The following TEX29 variants were observed in gnomAD, a reference collection of about 807,000 sequenced individuals.
TEX29 encodes the protein testis expressed 29, also known as testis-expressed protein 29.
Under a neutral mutation model 18.2 loss-of-function variants are expected in TEX29, and 26 were observed. The observed-to-expected ratio is 1.43, with a 90% confidence interval of 1.04 to 1.98. The LOEUF (loss-of-function observed/expected upper bound fraction) is 1.98, where lower values mean the gene tolerates loss of function less well. Ranked by LOEUF, TEX29 falls within the 30% of genes most tolerant of loss-of-function variation. The probability of loss-of-function intolerance (pLI) is 0.00; values close to 1 mark genes in which losing one functional copy is unlikely to be tolerated. For missense variants in TEX29, 177 were observed against 194.2 expected (o/e 0.91, Z 0.53); for synonymous variants, 83 against 78.5 (o/e 1.06, Z -0.31).
chr13:111,323,997 T>G (rs1432321409), intron 2 of TEX29, among the ~76,000 whole-genome samples: 1 of 152,178 alleles, frequency 6.6e-6, no homozygotes, highest in African/African-American at 2.4e-5. Context: ...GTTCAGAGAT[T>G]TTTATGTTGT....
upstream of TEX29, among the ~76,000 whole-genome samples, chr13:111,317,838 C>T (rs545657851): frequency 1.3e-5 from 2 of 152,304 alleles, no homozygotes; most frequent in East Asian, 3.9e-4. Context: ...TCCTTCTTCA[C>T]CTCTGTTGCT....
At chr13:111,323,888 C>T (rs888816057) in intron 2 of TEX29, among the ~76,000 whole-genome samples, 2 of 152,250 alleles carry the variant, frequency 1.3e-5, no homozygotes, top group African/African-American at 4.8e-5. Context: ...CCTCTCCTTC[C>T]GTGTTCTGAT....
At chr13:111,331,732 G>A (rs1394043337) in intron 3 of TEX29, among the ~76,000 whole-genome samples, 3 of 151,940 alleles carry the variant, frequency 2.0e-5, no homozygotes, top group Non-Finnish European at 4.4e-5. Context: ...GTTAACTTTT[G>A]TATCTGGTGC....
At chr13:111,317,943 T>C (rs955387786), upstream of TEX29, among the ~76,000 whole-genome samples, 2 of 152,228 alleles carry the variant, frequency 1.3e-5, no homozygotes, top group African/African-American at 4.8e-5. Flanking sequence ...ACCGGTCCTA[T>C]TGGACAGGGC....
chr13:111,338,816 G>A (rs1332109752), intron 3 of TEX29, among the ~76,000 whole-genome samples: 2 of 152,176 alleles, frequency 1.3e-5, no homozygotes, highest in Non-Finnish European at 2.9e-5. Context: ...TCAACCTGAC[G>A]GAAGGAACAT....
At chr13:111,344,026 T>C (rs574861359) in intron 5 of TEX29, 57 bp from the exon 6 acceptor site, 1 of 1,435,298 alleles carries the variant, frequency 7.0e-7, no homozygotes, top group Admixed American at 1.7e-5. Flanking sequence ...ATGAAATCTT[T>C]TCGGGACTGC....
intron 2 of TEX29, among the ~76,000 whole-genome samples, chr13:111,325,122 C>T (rs544751428): frequency 6.6e-6 from 1 of 152,334 alleles, no homozygotes; most frequent in Non-Finnish European, 1.5e-5. Context: ...TCCCAGGAAG[C>T]ACTCGGCTCA....
chr13:111,321,897 C>T (rs909783764), intron 2 of TEX29, among the ~76,000 whole-genome samples: 2 of 152,236 alleles, frequency 1.3e-5, no homozygotes, highest in Admixed American at 6.5e-5. Flanking sequence ...CCACTCCAGC[C>T]TGGGCGACAA....
upstream of TEX29, chr13:111,316,268 G>A (rs774918681): frequency 2.0e-6 from 1 of 496,850 alleles, no homozygotes; most frequent in Non-Finnish European, 4.0e-6. Flanking sequence ...GTAAGTATCT[G>A]TTGGATGAAT....
At chr13:111,339,506 C>G (rs1321770210) in intron 3 of TEX29, 1 of 411,764 alleles carries the variant, frequency 2.4e-6, no homozygotes, top group Non-Finnish European at 4.6e-6. Context: ...TCTCAATGCA[C>G]CCCCGGGGGT....
At chr13:111,328,866 G>A (rs551298378) in intron 3 of TEX29, among the ~76,000 whole-genome samples, 1 of 152,192 alleles carries the variant, frequency 6.6e-6, no homozygotes, top group South Asian at 2.1e-4. Context: ...GGGTAAGGGC[G>A]CCGGAGGCGT....
chr13:111,320,988 G>GGGGGC, intron 2 of TEX29, 40 bp downstream of exon 2: 4 of 431,418 alleles, frequency 9.3e-6, no homozygotes, highest in Non-Finnish European at 1.3e-5. Flanking sequence ...TGGGGTGGGG[G>GGGGGC]AGCAGTTGGG....
At chr13:111,318,745 A>G (rs2093658828), upstream of TEX29, among the ~76,000 whole-genome samples, 1 of 152,194 alleles carries the variant, frequency 6.6e-6, no homozygotes, top group Non-Finnish European at 1.5e-5. Context: ...GGGAGCCTGC[A>G]CGCAATGCTG....
At chr13:111,316,379 G>T (rs1437798189), upstream of TEX29, 6 of 435,668 alleles carry the variant, frequency 1.4e-5, no homozygotes, top group Non-Finnish European at 2.3e-5. Flanking sequence ...TGGAGCCCCC[G>T]CTGTCTGCCC....
upstream of TEX29, among the ~76,000 whole-genome samples, chr13:111,318,330 C>A (rs2093658052): frequency 6.6e-6 from 1 of 152,208 alleles, no homozygotes; most frequent in Admixed American, 6.5e-5. Flanking sequence ...CAGTCTACCC[C>A]TGCAAACATC....
intron 3 of TEX29, among the ~76,000 whole-genome samples, chr13:111,336,243 G>A (rs561038783): frequency 6.6e-6 from 1 of 152,362 alleles, no homozygotes; most frequent in African/African-American, 2.4e-5. Context: ...CGGGCCTGTA[G>A]GAAGAGCCTG....
At chr13:111,324,897 C>G (rs2093670323) in intron 2 of TEX29, among the ~76,000 whole-genome samples, 1 of 152,218 alleles carries the variant, frequency 6.6e-6, no homozygotes, top group Non-Finnish European at 1.5e-5. Flanking sequence ...TACCACCGTG[C>G]TGGCGTGGGC....
chr13:111,317,938 T>A (rs1225294476), upstream of TEX29, among the ~76,000 whole-genome samples: 1 of 152,126 alleles, frequency 6.6e-6, no homozygotes, highest in Non-Finnish European at 1.5e-5. Flanking sequence ...AGGACACCGG[T>A]CCTATTGGAC....
intron 4 of TEX29, among the ~76,000 whole-genome samples, chr13:111,342,023 G>C (rs2093697351): frequency 6.6e-6 from 1 of 152,232 alleles, no homozygotes; most frequent in Non-Finnish European, 1.5e-5. Flanking sequence ...CAGGGTGTCA[G>C]GGTTTGGAGG....
Sources: gnomAD v4.1 joint callset for allele counts (sites outside exome capture counted in the v4.1 genomes callset) on GRCh38, gnomAD v4.1.1 for gene constraint, MANE v1.5 for transcripts, NCBI Gene and HGNC (gene_info 2026-07-23, HGNC 2026-07-21) for gene names.